Variants in BCKDHB observed in about 807,000 individuals in gnomAD.
BCKDHB encodes branched chain keto acid dehydrogenase E1 subunit beta, also known as 2-oxoisovalerate dehydrogenase subunit beta, mitochondrial.
BCKDHB carries 41 observed loss-of-function variants against 48.5 expected under a neutral mutation model. The observed-to-expected ratio is 0.85, with a 90% CI of 0.66 to 1.10. The LOEUF is 1.10. Among genes scored for constraint, BCKDHB ranks in the 50% least tolerant of loss-of-function variants. The pLI, the probability that BCKDHB is intolerant of heterozygous loss-of-function variation, is 0.00. For missense variants in BCKDHB, 496 were observed against 494.2 expected (o/e 1.00, Z -0.03); for synonymous variants, 201 against 174.8 (o/e 1.15, Z -1.18).
chr6:80,381,479 A>G, the BCKDHB span, among the ~76,000 whole-genome samples: 5 of 152,198 alleles, frequency 3.3e-5, no homozygotes, highest in East Asian at 7.7e-4. Context: ...ACAGTGACAC[A>G]GTTTTTGTTT....
At chr6:80,277,424 C>T (rs964113387) in intron 9 of BCKDHB, among the ~76,000 whole-genome samples, 2 of 151,724 alleles carry the variant, frequency 1.3e-5, no homozygotes, top group Non-Finnish European at 2.9e-5. Flanking sequence ...AATATTAAGA[C>T]CAAATAGTTT....
chr6:80,380,054 A>G, the BCKDHB span, among the ~76,000 whole-genome samples: 1 of 152,036 alleles, frequency 6.6e-6, no homozygotes, highest in Non-Finnish European at 1.5e-5. Flanking sequence ...CAAATTACCA[A>G]TGTGTTTTTT....
chr6:80,115,061 A>G (rs766139779), intron 1 of BCKDHB, among the ~76,000 whole-genome samples: 2 of 152,068 alleles, frequency 1.3e-5, no homozygotes, highest in African/African-American at 2.4e-5. Context: ...TGCCAATACC[A>G]TTTACTTCCT....
At chr6:80,130,910 C>CAGTGTAGTAG (rs1198003217) in intron 3 of BCKDHB, among the ~76,000 whole-genome samples, 1 of 152,174 alleles carries the variant, frequency 6.6e-6, no homozygotes, top group Non-Finnish European at 1.5e-5. Context: ...CCTCACAATT[C>CAGTGTAGTAG]CATCTTGCCT....
chr6:80,396,660 G>A, the BCKDHB span, among the ~76,000 whole-genome samples: 2 of 152,214 alleles, frequency 1.3e-5, no homozygotes, highest in South Asian at 4.1e-4. Context: ...GGGCAGTTAT[G>A]CCCATGCAGC....
intron 9 of BCKDHB, among the ~76,000 whole-genome samples, chr6:80,299,143 C>G (rs1000301956): frequency 1.3e-5 from 2 of 152,140 alleles, no homozygotes; most frequent in African/African-American, 4.8e-5. Context: ...CAAGTTTGCT[C>G]AAGCATCCTT....
chr6:80,277,758 T>C (rs989302062), intron 9 of BCKDHB, among the ~76,000 whole-genome samples: 4 of 152,046 alleles, frequency 2.6e-5, no homozygotes, highest in East Asian at 1.9e-4. Flanking sequence ...TTACATCCTT[T>C]CTGTGCGGTC....
chr6:80,161,342 C>T (rs1337176360), intron 3 of BCKDHB, among the ~76,000 whole-genome samples: 1 of 152,002 alleles, frequency 6.6e-6, no homozygotes, highest in Non-Finnish European at 1.5e-5. Flanking sequence ...ATGACATACA[C>T]ACTATTTAAT....
At position 80,199,729 on chromosome 6, in the gene BCKDHB, G is replaced by A. The variant is rs116898024; in HGVS notation, c.743-1205G>A. ...AGGTTGCAGTGAGCTATAAGATTGTGCCACTCCACTCCAGCCTGGGCGACA... is the reference window on the plus strand; with the variant it reads ...AGGTTGCAGTGAGCTATAAGATTGTACCACTCCACTCCAGCCTGGGCGACA... On this transcript the variant is annotated intron_variant, in intron 6 of 9. Coordinates refer to ENST00000320393, the MANE Select transcript of BCKDHB (RefSeq NM_183050.4). Among the ~76,000 whole-genome samples, 1,001 of 130,102 alleles carry A rather than the reference G, an allele frequency of 7.7e-3. 9 individuals carry two copies. The highest frequency in any genetic ancestry group is 0.012 in the Non-Finnish European group (795 of 64,558). The allele number at this position is 130,102 out of a possible 152,430, so 85.4% of individuals were successfully genotyped here. A position where few individuals can be genotyped will look rare whatever the true frequency, so the allele number is the denominator to read the frequency against.
At chr6:80,285,287 G>A (rs1019835452) in intron 9 of BCKDHB, among the ~76,000 whole-genome samples, 1 of 152,086 alleles carries the variant, frequency 6.6e-6, no homozygotes, top group Non-Finnish European at 1.5e-5. Context: ...CACAGTTCAA[G>A]TACATTAAAA....
chr6:80,412,018 G>A, the BCKDHB span, among the ~76,000 whole-genome samples: 1 of 152,322 alleles, frequency 6.6e-6, no homozygotes, highest in East Asian at 1.9e-4. Flanking sequence ...TGGAAATGCA[G>A]AAATTGCCTG....
At chr6:80,409,941 A>C in the BCKDHB span, among the ~76,000 whole-genome samples, 1 of 151,796 alleles carries the variant, frequency 6.6e-6, no homozygotes, top group East Asian at 1.9e-4. Context: ...CTATGTGTGA[A>C]TTTGATCCTC....
At chr6:80,154,691 T>C (rs1038170895) in intron 3 of BCKDHB, among the ~76,000 whole-genome samples, 1 of 152,142 alleles carries the variant, frequency 6.6e-6, no homozygotes, top group African/African-American at 2.4e-5. Flanking sequence ...TATTAAAAAG[T>C]AAAAGTACTT....
chr6:80,221,759 TG>T (rs1341994042), intron 8 of BCKDHB, among the ~76,000 whole-genome samples: 7 of 152,168 alleles, frequency 4.6e-5, no homozygotes. Flanking sequence ...TCAACTTCAT[TG>T]TATAGATTTC....
intron 8 of BCKDHB, among the ~76,000 whole-genome samples, chr6:80,270,749 T>A (rs1777704310): frequency 6.6e-6 from 1 of 152,118 alleles, no homozygotes; most frequent in African/African-American, 2.4e-5. Flanking sequence ...GGTCCTGACC[T>A]GGAGCAGATC....
At chr6:80,444,976 A>C in the BCKDHB span, among the ~76,000 whole-genome samples, 2 of 152,206 alleles carry the variant, frequency 1.3e-5, no homozygotes, top group Non-Finnish European at 2.9e-5. Flanking sequence ...AGATGGCCTC[A>C]AATTCTCAAG....
rs569746954 is a variant in BCKDHB, at chr6:80,163,102, A to AT, written c.344-4570dup. On this transcript the variant is annotated intron_variant, in intron 3 of 9. Transcript: ENST00000320393. ...CACACCCGGCTAATGTTTTTATTGT[A>AT]TTTTTTGTAGAGATGGGGTTTTGCT... 1.6e-4 allele frequency among the ~76,000 whole-genome samples: 25 copies of AT among 151,656 alleles called. No homozygotes were observed. In the East Asian group the frequency reaches 4.3e-3, roughly 26 times the overall value.
At chr6:80,385,476 A>G in the BCKDHB span, among the ~76,000 whole-genome samples, 1 of 152,162 alleles carries the variant, frequency 6.6e-6, no homozygotes, top group Non-Finnish European at 1.5e-5. Flanking sequence ...AACTCTAATG[A>G]ACCTTTTTTG....
the BCKDHB span, among the ~76,000 whole-genome samples, chr6:80,404,095 A>G: frequency 1.3e-5 from 2 of 151,940 alleles, no homozygotes; most frequent in East Asian, 1.9e-4. Context: ...GCCTTGTGTT[A>G]TCAGTTTCAA....
Sources: allele counts gnomAD v4.1 joint callset (sites outside exome capture counted in the v4.1 genomes callset), GRCh38; gene constraint gnomAD v4.1.1; transcripts MANE v1.5; gene names NCBI Gene and HGNC (gene_info 2026-07-23, HGNC 2026-07-21).